VCF1: variants seen among roughly 807,000 people sequenced by gnomAD.
The protein encoded by VCF1 is VCP nuclear cofactor family member 1.
the VCF1 span, among the ~76,000 whole-genome samples, chr17:73,212,115 A>C: frequency 6.6e-6 from 1 of 152,210 alleles, no homozygotes; most frequent in Non-Finnish European, 1.5e-5. Flanking sequence ...CTTTTTCTAC[A>C]CTTCAACTTT....
chr17:73,217,423 A>C, the VCF1 span, among the ~76,000 whole-genome samples: 1 of 150,776 alleles, frequency 6.6e-6, no homozygotes, highest in Admixed American at 6.6e-5. Flanking sequence ...AGGCCCAGAC[A>C]GGTGGATCAC....
chr17:73,210,266 A>C, the VCF1 span, among the ~76,000 whole-genome samples: 1 of 152,208 alleles, frequency 6.6e-6, no homozygotes, highest in Non-Finnish European at 1.5e-5. Context: ...CATCATAGAC[A>C]CAAAATGGTA....
chr17:73,208,121 T>G, the VCF1 span: 2 of 1,461,912 alleles, frequency 1.4e-6, no homozygotes, highest in South Asian at 2.8e-5. Flanking sequence ...ATTCTAGTTT[T>G]GTCACAAAGG....
the VCF1 span, among the ~76,000 whole-genome samples, chr17:73,211,574 A>C: frequency 1.3e-5 from 2 of 150,842 alleles, no homozygotes; most frequent in African/African-American, 2.4e-5. Context: ...TCTCAAAAAA[A>C]AAAAAGGCCA....
At chr17:73,220,923 G>T in the VCF1 span, among the ~76,000 whole-genome samples, 4 of 127,034 alleles carry the variant, frequency 3.1e-5, no homozygotes, top group African/African-American at 1.3e-4. Context: ...TTTTGAGATG[G>T]AGTCTCGCTC....
At chr17:73,215,182 G>A in the VCF1 span, among the ~76,000 whole-genome samples, 50 of 152,252 alleles carry the variant, frequency 3.3e-4, no homozygotes, top group African/African-American at 9.4e-4. Context: ...GGTTAGTTTC[G>A]GTAATAATAA....
chr17:73,219,877 A>T, the VCF1 span, among the ~76,000 whole-genome samples: 1 of 150,332 alleles, frequency 6.7e-6, no homozygotes, highest in Non-Finnish European at 1.5e-5. Context: ...CAGGAGGCTG[A>T]GGTGGGAGGA....
the VCF1 span, among the ~76,000 whole-genome samples, chr17:73,210,324 T>C: frequency 6.5e-3 from 994 of 152,306 alleles, 16 homozygotes; most frequent in African/African-American, 0.023. Context: ...AATAGACTTC[T>C]GGTCAAGTTA....
chr17:73,218,930 G>T, the VCF1 span, among the ~76,000 whole-genome samples: 8 of 152,114 alleles, frequency 5.3e-5, no homozygotes, highest in Non-Finnish European at 7.4e-5. Flanking sequence ...TGAGGCAGGA[G>T]AATGGCATGA....
the VCF1 span, among the ~76,000 whole-genome samples, chr17:73,213,116 T>C: frequency 1.3e-5 from 2 of 151,980 alleles, no homozygotes; most frequent in Admixed American, 6.6e-5. Context: ...TGGTGGTGTG[T>C]GCCTGTAGTC....
chr17:73,208,250 G>T, the VCF1 span: 1 of 1,610,044 alleles, frequency 6.2e-7, no homozygotes, highest in Middle Eastern at 2.2e-4. Flanking sequence ...GCGTCGCGCG[G>T]AGGGCGAGTG....
chr17:73,224,930 G>C, the VCF1 span, among the ~76,000 whole-genome samples: 7,604 of 85,196 alleles, frequency 0.089, 305 homozygotes, highest in Middle Eastern at 0.14. Flanking sequence ...GACAGGACAG[G>C]ACAGCACAGC....
At chr17:73,207,510 G>A in the VCF1 span, 2 of 607,302 alleles carry the variant, frequency 3.3e-6, no homozygotes, top group Non-Finnish European at 2.9e-6. Flanking sequence ...ACAGGGTGGA[G>A]ATGAGCTCTT....
chr17:73,220,146 G>T, the VCF1 span, among the ~76,000 whole-genome samples: 1 of 152,104 alleles, frequency 6.6e-6, no homozygotes, highest in African/African-American at 2.4e-5. Flanking sequence ...GAATGGGCAA[G>T]AATGAAGAGC....
At chr17:73,216,538 G>A in the VCF1 span, among the ~76,000 whole-genome samples, 1 of 152,036 alleles carries the variant, frequency 6.6e-6, no homozygotes, top group East Asian at 1.9e-4. Flanking sequence ...CAGAGAGGAG[G>A]TGAGTGGGGA....
chr17:73,212,280 T>C, the VCF1 span, among the ~76,000 whole-genome samples: 1 of 152,152 alleles, frequency 6.6e-6, no homozygotes, highest in African/African-American at 2.4e-5. Flanking sequence ...ATAGATAACT[T>C]ATCTGAAACA....
chr17:73,225,533 G>A, the VCF1 span, among the ~76,000 whole-genome samples: 6 of 151,136 alleles, frequency 4.0e-5, no homozygotes, highest in South Asian at 2.1e-4. Context: ...TGGCAGATAC[G>A]GGAAAAAAAC....
the VCF1 span, among the ~76,000 whole-genome samples, chr17:73,217,350 C>A: frequency 2.1e-5 from 3 of 142,646 alleles, 1 homozygote; most frequent in South Asian, 6.9e-4. Flanking sequence ...GAGACTGTAT[C>A]TCAATTAAAA....
At chr17:73,224,812 A>G in the VCF1 span, among the ~76,000 whole-genome samples, 68 of 146,554 alleles carry the variant, frequency 4.6e-4, no homozygotes, top group African/African-American at 1.6e-3. Context: ...CACTGCCAGG[A>G]AGCACAGCGC....
Sources: gnomAD v4.1 joint callset for allele counts (sites outside exome capture counted in the v4.1 genomes callset) on GRCh38, gnomAD v4.1.1 for gene constraint, MANE v1.5 for transcripts, NCBI Gene and HGNC (gene_info 2026-07-23, HGNC 2026-07-21) for gene names.